The following ARAP2 variants were observed in gnomAD, a reference collection of about 807,000 sequenced individuals.
ARAP2 encodes the protein arf-GAP with Rho-GAP domain, ANK repeat and PH domain-containing protein 2.
Under a neutral mutation model 194.5 loss-of-function variants are expected in ARAP2, and 148 were observed. The ratio of observed to expected loss-of-function variants is 0.76; its 90% CI spans 0.67 to 0.87. ARAP2 has a LOEUF of 0.87. ARAP2 is among the 40% of genes least tolerant of loss of function. The probability of loss-of-function intolerance (pLI) is 0.00; values close to 1 mark genes in which losing one functional copy is unlikely to be tolerated. For synonymous variants in ARAP2, 695 were observed against 683.5 expected (o/e 1.02, Z -0.26); for missense variants, 2,128 against 1,989.7 (o/e 1.07, Z -1.32).
At chr4:36,218,102 A>T (rs900952640) in intron 2 of ARAP2, among the ~76,000 whole-genome samples, 1 of 152,168 alleles carries the variant, frequency 6.6e-6, no homozygotes, top group Non-Finnish European at 1.5e-5. Flanking sequence ...TTAAAACACT[A>T]TATTACTGAT....
In ARAP2 at chr4:36,147,693, A is replaced by T. The variant is rs1205603634; in HGVS notation, c.3054T>A (p.Ile1018=). 1 of 1,612,730 alleles carries T rather than the reference A, an allele frequency of 6.2e-7. No homozygotes were observed. Among genetic ancestry groups the T allele is most frequent in the East Asian group, 2.2e-5 (1 of 44,844 alleles). The stretch of plus-strand genomic sequence containing the variant: ...GGCAGTCTTTGTAGAAGAGTTGACC[A>T]ATCAAATCATAGTCAGCTTCTGTTA... The part of the protein sequence containing the change: ...ENLTEADYDL[I]GQLFYKDCHA... The change falls in exon 18 of 33, where the codon ATT becomes ATA. Residue 1018 remains isoleucine (I), a synonymous_variant. Coordinates refer to ENST00000303965, the MANE Select transcript of ARAP2 (RefSeq NM_015230.4).
At chr4:36,196,872 T>C (rs1743227689) in intron 6 of ARAP2, among the ~76,000 whole-genome samples, 1 of 151,598 alleles carries the variant, frequency 6.6e-6, no homozygotes. Context: ...TTGTCTCTGC[T>C]TGGAATGCTG....
chr4:36,140,078 C>A lies in ARAP2; in HGVS notation c.3264-6689G>T, dbSNP rs149131545. On this transcript the variant is annotated intron_variant, in intron 19 of 32. Transcript: ENST00000303965. ...CCCCTTCATTTTTTCCTACTAAAGTCCTTCATTGGATTGTAGATCCAGATA... is the reference window on the plus strand; with the variant it reads ...CCCCTTCATTTTTTCCTACTAAAGTACTTCATTGGATTGTAGATCCAGATA... Among the ~76,000 whole-genome samples, 708 of 150,730 alleles carry A rather than the reference C, an allele frequency of 4.7e-3. 5 individuals carry two copies. Among genetic ancestry groups the A allele is most frequent in the Middle Eastern group, 0.014 (4 of 294 alleles).
chr4:36,198,805 A>G (rs1241987150), intron 6 of ARAP2, among the ~76,000 whole-genome samples: 1 of 152,206 alleles, frequency 6.6e-6, no homozygotes, highest in Non-Finnish European at 1.5e-5. Flanking sequence ...GGTCCCCAAG[A>G]GTGCAGAGAT....
intron 27 of ARAP2, among the ~76,000 whole-genome samples, chr4:36,107,292 A>G (rs1718655046): frequency 6.6e-6 from 1 of 152,046 alleles, no homozygotes; most frequent in African/African-American, 2.4e-5. Flanking sequence ...ATACATAAGC[A>G]TAAGCATGGT....
intron 19 of ARAP2, among the ~76,000 whole-genome samples, chr4:36,140,373 T>C (rs1216919079): frequency 6.6e-6 from 1 of 151,762 alleles, no homozygotes; most frequent in East Asian, 1.9e-4. Flanking sequence ...TTCTTTAACA[T>C]AAAATCACTT....
intron 21 of ARAP2, among the ~76,000 whole-genome samples, chr4:36,126,537 T>A (rs982725344): frequency 5.3e-5 from 8 of 152,012 alleles, no homozygotes; most frequent in African/African-American, 1.9e-4. Flanking sequence ...ACCTCAGGTA[T>A]ACAGTACATC....
intron 20 of ARAP2, 37 bp from the exon 21 acceptor site, chr4:36,128,782 T>A: frequency 6.7e-7 from 1 of 1,499,560 alleles, no homozygotes; most frequent in Non-Finnish European, 9.1e-7. Context: ...TTTAAAAGTC[T>A]AAATTCAAAA....
chr4:36,131,739 T>C (rs1352152483), intron 20 of ARAP2, among the ~76,000 whole-genome samples: 2 of 151,804 alleles, frequency 1.3e-5, no homozygotes, highest in Non-Finnish European at 2.9e-5. Flanking sequence ...ACTAACATGG[T>C]ATGAAGATTC....
At chr4:36,038,904 T>C (rs1720372936) in intron 5 of ARAP2, among the ~76,000 whole-genome samples, 1 of 152,200 alleles carries the variant, frequency 6.6e-6, no homozygotes, top group Non-Finnish European at 1.5e-5. Context: ...TTTATTTTAA[T>C]TTTCTGAGAA....
rs187344692 is a variant in ARAP2, at chr4:36,200,168, C to A, written c.1488-6521G>T. On this transcript the variant is annotated intron_variant, in intron 6 of 32. Transcript: ENST00000303965. ...TGTTTTCCACATGTGAACTTCAATACTGAATTCCAATAATTAGTTAATTAA... is the reference window on the plus strand; with the variant it reads ...TGTTTTCCACATGTGAACTTCAATAATGAATTCCAATAATTAGTTAATTAA... 4.6e-5 allele frequency among the ~76,000 whole-genome samples: 7 copies of A among 152,142 alleles called. No individual in the cohort carries two copies. In the East Asian group the frequency reaches 1.3e-3, roughly 29 times the overall value.
chr4:36,096,191 C>T (rs181755207), intron 27 of ARAP2, among the ~76,000 whole-genome samples: 1,763 of 151,524 alleles, frequency 0.012, 13 homozygotes, highest in Non-Finnish European at 0.019. Flanking sequence ...AGGTGAAACC[C>T]CATCTCTACT....
At chr4:36,072,534 C>G (rs1381698558) in intron 32 of ARAP2, among the ~76,000 whole-genome samples, 1 of 151,998 alleles carries the variant, frequency 6.6e-6, no homozygotes, top group African/African-American at 2.4e-5. Flanking sequence ...TAGGGCGTAT[C>G]TCTCCCTATG....
intron 6 of ARAP2, among the ~76,000 whole-genome samples, chr4:36,208,666 G>A (rs1031143038): frequency 6.6e-6 from 1 of 152,128 alleles, no homozygotes; most frequent in Non-Finnish European, 1.5e-5. Context: ...AAAAATTCTC[G>A]ATTCTACTTC....
intron 5 of ARAP2, among the ~76,000 whole-genome samples, chr4:36,034,664 G>A (rs1424075984): frequency 1.3e-5 from 2 of 151,928 alleles, no homozygotes; most frequent in African/African-American, 4.8e-5. Flanking sequence ...GAATAGGAGT[G>A]GTGTTTGGTT....
At chr4:36,014,271 A>AG (rs1227174444) in intron 8 of ARAP2, among the ~76,000 whole-genome samples, 17 of 145,854 alleles carry the variant, frequency 1.2e-4, no homozygotes, top group Non-Finnish European at 2.3e-4. Context: ...GAAAGAAAGA[A>AG]AGAAAGAAAG....
intron 10 of ARAP2, chr4:36,006,068 T>C (rs1007951902): frequency 6.6e-6 from 1 of 152,120 alleles, no homozygotes; most frequent in Non-Finnish European, 1.5e-5. Flanking sequence ...GCTCTTAAAA[T>C]GTAGCTCTAT....
At chr4:36,213,827 T>C (rs1229141466) in intron 3 of ARAP2, among the ~76,000 whole-genome samples, 1 of 152,084 alleles carries the variant, frequency 6.6e-6, no homozygotes, top group Non-Finnish European at 1.5e-5. Flanking sequence ...CTAATGCATC[T>C]GTAAATAAAT....
At chr4:36,231,175 A>C (rs1321367941) in intron 1 of ARAP2, among the ~76,000 whole-genome samples, 1 of 152,078 alleles carries the variant, frequency 6.6e-6, no homozygotes, top group Non-Finnish European at 1.5e-5. Flanking sequence ...CATCTCTATT[A>C]AAATACAAAA....
Sources: allele counts gnomAD v4.1 joint callset (sites outside exome capture counted in the v4.1 genomes callset), GRCh38; gene constraint gnomAD v4.1.1; transcripts MANE v1.5; gene names NCBI Gene and HGNC (gene_info 2026-07-23, HGNC 2026-07-21).